TBCK: variants seen among roughly 807,000 people sequenced by gnomAD.
TBCK encodes the protein TBC1 domain containing kinase.
TBCK carries 99 observed loss-of-function variants against 113.4 expected under a neutral mutation model. The ratio of observed to expected loss-of-function variants is 0.87; its 90% CI spans 0.74 to 1.03. The LOEUF is 1.03. Ranked by LOEUF, TBCK falls within the 50% of genes least tolerant of loss-of-function variation. The pLI, the probability that TBCK is intolerant of heterozygous loss-of-function variation, is 0.00. For synonymous variants in TBCK, 369 were observed against 370.8 expected (o/e 1.00, Z 0.05); for missense variants, 1,045 against 1,061.3 (o/e 0.98, Z 0.21).
chr4:106,171,350 G>T, intron 22 of TBCK, 80 bp from the exon 23 acceptor site: 1 of 1,048,698 alleles, frequency 9.5e-7, no homozygotes, highest in Non-Finnish European at 1.4e-6. Context: ...TCTCTCCTAA[G>T]TGAATATATC....
chr4:106,118,735 G>C (rs970711948), intron 23 of TBCK, among the ~76,000 whole-genome samples: 3 of 152,192 alleles, frequency 2.0e-5, no homozygotes, highest in Non-Finnish European at 4.4e-5. Flanking sequence ...ACTAAGAAGA[G>C]GATTTGTCCA....
At chr4:106,112,730 G>C (rs1263277641) in intron 24 of TBCK, among the ~76,000 whole-genome samples, 1 of 151,892 alleles carries the variant, frequency 6.6e-6, no homozygotes, top group Non-Finnish European at 1.5e-5. Context: ...ATACATATTT[G>C]AGCCCACAGC....
At chr4:106,147,999 A>G (rs1051001664) in intron 23 of TBCK, among the ~76,000 whole-genome samples, 1 of 152,178 alleles carries the variant, frequency 6.6e-6, no homozygotes, top group African/African-American at 2.4e-5. Flanking sequence ...GCCATCTTCT[A>G]TGGTCGAGGC....
At position 106,287,167 on chromosome 4, in the gene TBCK, T is replaced by G. The variant is rs1219753381; in HGVS notation, c.266+7927A>C. 3.3e-5 allele frequency among the ~76,000 whole-genome samples: 5 copies of G among 152,252 alleles called. 1 individual carries two copies. Among genetic ancestry groups the G allele is most frequent in the Admixed American group, 2.6e-4 (4 of 15,296 alleles). ...GGATAACATCAATTTTCAGGATGTA[T>G]AGCAATTCTGATCATAGCTATGTCC... is the stretch of plus-strand genomic sequence containing the variant. On this transcript the variant is annotated intron_variant, in intron 3 of 25. Transcript: ENST00000394708.
intron 24 of TBCK, among the ~76,000 whole-genome samples, chr4:106,110,216 T>C (rs1742684233): frequency 6.6e-6 from 1 of 152,202 alleles, no homozygotes; most frequent in African/African-American, 2.4e-5. Flanking sequence ...AGCGGTCTGG[T>C]CCCTTAGCCT....
chr4:106,225,223 A>G (rs768368691), intron 19 of TBCK, among the ~76,000 whole-genome samples: 17 of 152,040 alleles, frequency 1.1e-4, no homozygotes, highest in Non-Finnish European at 2.1e-4. Context: ...CACCTTGTCT[A>G]TTGATTTTTT....
chr4:106,304,808 T>C (rs1767332316), intron 2 of TBCK, among the ~76,000 whole-genome samples: 1 of 152,186 alleles, frequency 6.6e-6, no homozygotes, highest in Non-Finnish European at 1.5e-5. Context: ...ATAAATTCCA[T>C]TTGGAAATTA....
At chr4:106,306,236 A>G (rs925976384) in intron 2 of TBCK, among the ~76,000 whole-genome samples, 1 of 97,326 alleles carries the variant, frequency 1.0e-5, no homozygotes, top group African/African-American at 3.9e-5. Flanking sequence ...TGCCTGGCTA[A>G]TTTTTTTTTT....
intron 5 of TBCK, among the ~76,000 whole-genome samples, chr4:106,253,651 T>C (rs1224488255): frequency 6.6e-6 from 1 of 152,248 alleles, no homozygotes; most frequent in Admixed American, 6.5e-5. Flanking sequence ...CAATCTGGTA[T>C]ATAAAATCTA....
chr4:106,146,206 A>G (rs1454670007), intron 23 of TBCK, among the ~76,000 whole-genome samples: 1 of 148,482 alleles, frequency 6.7e-6, no homozygotes, highest in African/African-American at 2.5e-5. Context: ...TACATGTAAT[A>G]CATATACATA....
At chr4:106,290,055 T>A (rs920713718) in intron 3 of TBCK, among the ~76,000 whole-genome samples, 2 of 152,226 alleles carry the variant, frequency 1.3e-5, no homozygotes, top group Non-Finnish European at 2.9e-5. Context: ...TATTTTTTCT[T>A]ACCTAAAGTT....
At chr4:106,255,602 CAA>C (rs1470760479) in intron 5 of TBCK, among the ~76,000 whole-genome samples, 2 of 152,192 alleles carry the variant, frequency 1.3e-5, no homozygotes, top group African/African-American at 4.8e-5. Flanking sequence ...TGCAGAGCCC[CAA>C]AGAGAGTGTC....
At chr4:106,214,533 GC>G (rs1560834783) in intron 19 of TBCK, among the ~76,000 whole-genome samples, 1 of 151,876 alleles carries the variant, frequency 6.6e-6, no homozygotes, top group Admixed American at 6.6e-5. Context: ...AGCTGATGGA[GC>G]TGAAAACCAA....
chr4:106,147,998 T>C (rs559205669), intron 23 of TBCK, among the ~76,000 whole-genome samples: 1 of 152,330 alleles, frequency 6.6e-6, no homozygotes, highest in Non-Finnish European at 1.5e-5. Flanking sequence ...GGCCATCTTC[T>C]ATGGTCGAGG....
intron 19 of TBCK, among the ~76,000 whole-genome samples, chr4:106,226,525 T>A (rs73838161): frequency 0.018 from 2,777 of 152,300 alleles, 79 homozygotes; most frequent in African/African-American, 0.061. Context: ...CAACACTGTA[T>A]ATTAATTGGG....
rs143850995 is a variant in TBCK, at chr4:106,084,350, C to T, written c.2571+11132G>A. Among the ~76,000 whole-genome samples, 492 of 152,126 alleles carry T rather than the reference C, an allele frequency of 3.2e-3. 1 individual carries two copies. Among genetic ancestry groups the T allele is most frequent in the Admixed American group, 6.8e-3 (104 of 15,272 alleles). On this transcript the variant is annotated intron_variant, in intron 25 of 25. Transcript: ENST00000394708. ...AGAAAGGATATTGGAGTTTGAAGAC[C>T]ACCTTACTGAAATAAGACACAGAGA... is the stretch of plus-strand genomic sequence containing the variant.
intron 22 of TBCK, among the ~76,000 whole-genome samples, chr4:106,192,910 T>G (rs1424611940): frequency 6.6e-6 from 1 of 152,156 alleles, no homozygotes; most frequent in East Asian, 1.9e-4. Context: ...AATAAAGTAC[T>G]GTGAAGTTTT....
intron 1 of TBCK, among the ~76,000 whole-genome samples, chr4:106,314,117 G>A (rs1454042766): frequency 1.3e-5 from 2 of 151,954 alleles, no homozygotes; most frequent in Non-Finnish European, 2.9e-5. Context: ...TGAATAAAGC[G>A]CAAATGTTAT....
chr4:106,289,475 G>A (rs1336844040), intron 3 of TBCK, among the ~76,000 whole-genome samples: 1 of 152,108 alleles, frequency 6.6e-6, no homozygotes, highest in Non-Finnish European at 1.5e-5. Context: ...TTATATTTAT[G>A]AAGACAATTG....
Sources: allele counts gnomAD v4.1 joint callset (sites outside exome capture counted in the v4.1 genomes callset), GRCh38; gene constraint gnomAD v4.1.1; transcripts MANE v1.5; gene names NCBI Gene and HGNC (gene_info 2026-07-23, HGNC 2026-07-21).